ZNF277: variants seen among roughly 807,000 people sequenced by gnomAD.
The protein encoded by ZNF277 is zinc finger protein 277.
Under a neutral mutation model 60.7 loss-of-function variants are expected in ZNF277, and 55 were observed. That is an observed-to-expected ratio of 0.91 (90% confidence interval 0.73 to 1.13). The LOEUF (loss-of-function observed/expected upper bound fraction) is 1.13, where lower values mean the gene tolerates loss of function less well. Ranked by LOEUF, ZNF277 falls within the 50% of genes most tolerant of loss-of-function variation. The pLI is 0.00. For synonymous variants in ZNF277, 178 were observed against 179.3 expected (o/e 0.99, Z 0.06); for missense variants, 510 against 523.0 (o/e 0.98, Z 0.24).
chr7:112,293,611 A>G (rs1792259614), intron 2 of ZNF277, among the ~76,000 whole-genome samples: 2 of 151,900 alleles, frequency 1.3e-5, no homozygotes, highest in Non-Finnish European at 2.9e-5. Flanking sequence ...TTAATAATTC[A>G]AAGAGCAGTC....
intron 1 of ZNF277, among the ~76,000 whole-genome samples, chr7:112,214,542 T>C (rs1369303064): frequency 6.6e-6 from 1 of 152,312 alleles, no homozygotes; most frequent in East Asian, 1.9e-4. Flanking sequence ...CTGATCAGTC[T>C]TCTGTTTTTC....
At chr7:112,245,789 T>C (rs1791070054) in intron 1 of ZNF277, among the ~76,000 whole-genome samples, 1 of 152,218 alleles carries the variant, frequency 6.6e-6, no homozygotes, top group South Asian at 2.1e-4. Flanking sequence ...TCCAATGGCC[T>C]CATTTTTACT....
chr7:112,297,889 A>G (rs1025113113), intron 4 of ZNF277, among the ~76,000 whole-genome samples: 2 of 152,228 alleles, frequency 1.3e-5, no homozygotes, highest in Non-Finnish European at 2.9e-5. Flanking sequence ...GTTCTTTAGC[A>G]TGCAGAATCT....
intron 1 of ZNF277, among the ~76,000 whole-genome samples, chr7:112,285,085 A>G (rs893708308): frequency 6.6e-6 from 1 of 152,078 alleles, no homozygotes; most frequent in Non-Finnish European, 1.5e-5. Context: ...GCTGGAGTGC[A>G]GTGGCATGAT....
intron 5 of ZNF277, among the ~76,000 whole-genome samples, chr7:112,320,976 CAGTGGCAGGATCTCGGCTCA>C (rs1792968271): frequency 1.5e-5 from 2 of 135,394 alleles, no homozygotes; most frequent in Non-Finnish European, 3.0e-5. Flanking sequence ...GCCTGGAGTG[CAGTGGCAGGATCTCGGCTCA>C]CTGCAAGTTC....
At position 112,296,288 on chromosome 7, in the gene ZNF277, G is replaced by A; in HGVS notation, c.442G>A (p.Glu148Lys). 6.3e-7 allele frequency: 1 copy of A among 1,589,356 alleles called. No individual in the cohort carries two copies. The highest frequency in any genetic ancestry group is 8.6e-7 in the Non-Finnish European group (1 of 1,167,786). ...DVLPEDRILR[E>K]ELQKQRLREI... ...TTTACCAGAAGATAGAATTCTTAGA[G>A]AAGAGCTTCAGAAACAGAGACTGGT... is the stretch of plus-strand genomic sequence containing the variant. Residue 148 changes from glutamate (E) to lysine (K), a missense_variant, in exon 4 of 12, where the codon GAA (glutamate) becomes AAA (lysine). Transcript: ENST00000361822.
chr7:112,220,456 A>T (rs1441586622), intron 1 of ZNF277, among the ~76,000 whole-genome samples: 1 of 152,150 alleles, frequency 6.6e-6, no homozygotes, highest in East Asian at 1.9e-4. Context: ...TTCTGTATAT[A>T]AGAGTATGTT....
At chr7:112,226,793 T>C (rs566020224) in intron 1 of ZNF277, among the ~76,000 whole-genome samples, 67 of 152,348 alleles carry the variant, frequency 4.4e-4, no homozygotes, top group Non-Finnish European at 9.3e-4. Flanking sequence ...TGTTTATTAA[T>C]TAAATGATAA....
intron 1 of ZNF277, among the ~76,000 whole-genome samples, chr7:112,215,313 C>G (rs1182454982): frequency 1.3e-5 from 2 of 152,172 alleles, no homozygotes; most frequent in Non-Finnish European, 2.9e-5. Flanking sequence ...AGACAAATCC[C>G]ACATTATACA....
At position 112,342,544 on chromosome 7, in the gene ZNF277, T is replaced by A. The variant is rs757776678; in HGVS notation, c.1185-17T>A. ...TAGCTTGGTAATTTAATACTATGTA[T>A]CTGTGGTTGTTTTCAGGTATTATTT... On this transcript the variant is annotated splice_polypyrimidine_tract_variant and intron_variant, in intron 11 of 11. Coordinates refer to ENST00000361822, the MANE Select transcript of ZNF277 (RefSeq NM_021994.3). 1 of 1,593,820 alleles carries A rather than the reference T, an allele frequency of 6.3e-7. No individual in the cohort carries two copies.
At chr7:112,242,450 A>C (rs1462358495) in intron 1 of ZNF277, among the ~76,000 whole-genome samples, 1 of 151,750 alleles carries the variant, frequency 6.6e-6, no homozygotes, top group East Asian at 1.9e-4. Context: ...AATTCAGTAC[A>C]GTTGCAGGAT....
intron 1 of ZNF277, among the ~76,000 whole-genome samples, chr7:112,286,342 C>G (rs1792062872): frequency 6.6e-6 from 1 of 152,158 alleles, no homozygotes; most frequent in Admixed American, 6.5e-5. Flanking sequence ...CTGTGTCTAC[C>G]CAGCGTGAGA....
chr7:112,311,151 C>G (rs912212739), intron 4 of ZNF277, among the ~76,000 whole-genome samples: 1 of 152,128 alleles, frequency 6.6e-6, no homozygotes, highest in South Asian at 2.1e-4. Context: ...CATTTTCTAC[C>G]TATGTGTCAA....
intron 5 of ZNF277, among the ~76,000 whole-genome samples, chr7:112,319,327 T>A (rs1354806211): frequency 6.6e-6 from 1 of 151,978 alleles, no homozygotes; most frequent in East Asian, 1.9e-4. Context: ...ATAAAGATAC[T>A]CCTATCACTA....
At chr7:112,281,190 A>C (rs1168554836) in intron 1 of ZNF277, among the ~76,000 whole-genome samples, 1 of 152,178 alleles carries the variant, frequency 6.6e-6, no homozygotes, top group African/African-American at 2.4e-5. Flanking sequence ...TCATCCTCTG[A>C]ACCACTGATT....
intron 1 of ZNF277, among the ~76,000 whole-genome samples, chr7:112,226,013 C>T (rs1822165450): frequency 1.3e-5 from 2 of 152,116 alleles, no homozygotes; most frequent in South Asian, 4.1e-4. Context: ...TATCCTGTTT[C>T]CCAAATAGTT....
intron 7 of ZNF277, among the ~76,000 whole-genome samples, chr7:112,334,248 C>T (rs889499826): frequency 1.3e-5 from 2 of 151,908 alleles, no homozygotes; most frequent in African/African-American, 4.8e-5. Context: ...TTTTTTCCAC[C>T]CTCTCATTAT....
chr7:112,238,889 G>T (rs544707279), intron 1 of ZNF277, among the ~76,000 whole-genome samples: 1 of 151,802 alleles, frequency 6.6e-6, no homozygotes, highest in South Asian at 2.1e-4. Flanking sequence ...ATTTTGGCGC[G>T]TACCGCCCTG....
intron 1 of ZNF277, among the ~76,000 whole-genome samples, chr7:112,238,263 T>C (rs967038399): frequency 6.6e-6 from 1 of 152,146 alleles, no homozygotes; most frequent in African/African-American, 2.4e-5. Context: ...AGCGCAGTAA[T>C]TGTGGGGCAT....
Sources: gnomAD v4.1 joint callset for allele counts (sites outside exome capture counted in the v4.1 genomes callset) on GRCh38, gnomAD v4.1.1 for gene constraint, MANE v1.5 for transcripts, NCBI Gene and HGNC (gene_info 2026-07-23, HGNC 2026-07-21) for gene names.